The following RAD23B variants were observed in gnomAD, a reference collection of about 807,000 sequenced individuals.
The protein encoded by RAD23B is lysine-specific demethylase RAD23B.
A neutral mutation model predicts 49.1 loss-of-function variants in RAD23B; 5 were observed. The observed-to-expected ratio is 0.10, with a 90% CI of 0.05 to 0.21. RAD23B has a LOEUF of 0.21. RAD23B is among the 10% of genes least tolerant of loss of function. The probability of loss-of-function intolerance (pLI) is 1.00; values close to 1 mark genes in which losing one functional copy is unlikely to be tolerated. For synonymous variants in RAD23B, 184 were observed against 165.4 expected, an observed-to-expected ratio of 1.11 and a Z score of -0.86; for missense variants, 356 against 486.7, an observed-to-expected ratio of 0.73 and a Z score of 2.53.
chr9:107,286,904 C>T (rs900421134), intron 1 of RAD23B, among the ~76,000 whole-genome samples: 20 of 151,768 alleles, frequency 1.3e-4, no homozygotes, highest in African/African-American at 4.9e-4. Flanking sequence ...AACCCCGTCT[C>T]TACTAAAAAA....
intron 1 of RAD23B, chr9:107,284,793 G>T (rs772181852): frequency 7.8e-5 from 93 of 1,192,632 alleles, no homozygotes; most frequent in Non-Finnish European, 9.4e-5. Context: ...GTGTTAAGTA[G>T]ACCTGAGTTC....
chr9:107,312,858 T>C (rs989385920), intron 5 of RAD23B, among the ~76,000 whole-genome samples: 2 of 151,976 alleles, frequency 1.3e-5, no homozygotes, highest in African/African-American at 4.8e-5. Flanking sequence ...GCTCTGGCTG[T>C]GGTCACTGCT....
At chr9:107,321,804 A>T (rs545186526) in intron 6 of RAD23B, among the ~76,000 whole-genome samples, 179 bp from the exon 7 acceptor site, 13 of 152,330 alleles carry the variant, frequency 8.5e-5, no homozygotes, top group Non-Finnish European at 1.5e-4. Flanking sequence ...CACCCAGGTC[A>T]TTTCTAATCT....
At chr9:107,288,384 C>T (rs1833317933) in intron 1 of RAD23B, among the ~76,000 whole-genome samples, 2 of 152,162 alleles carry the variant, frequency 1.3e-5, no homozygotes, top group Admixed American at 6.5e-5. Flanking sequence ...AAGTGCTATG[C>T]AGAAAGTTGA....
chr9:107,298,634 T>A (rs771114193), intron 1 of RAD23B, among the ~76,000 whole-genome samples: 4 of 151,648 alleles, frequency 2.6e-5, no homozygotes, highest in Middle Eastern at 3.4e-3. Context: ...CCTGACCCAA[T>A]GTACTTACAT....
chr9:107,330,705 A>G lies in RAD23B; in HGVS notation c.*1049A>G, dbSNP rs1303184561. 1.3e-5 allele frequency: 2 copies of G among 152,798 alleles called. No individual in the cohort carries two copies. The highest frequency in any genetic ancestry group is 1.9e-4 in the East Asian group (1 of 5,192). The allele number at this position is 152,798 out of a possible 1,614,324, so 9.5% of individuals were successfully genotyped here. On this transcript the variant is annotated 3_prime_UTR_variant, in exon 10 of 10. Transcript: ENST00000358015. The surrounding 1 kb of genome is among the most constrained non-coding windows in gnomAD (Gnocchi z 4.4). Reference sequence around the variant, plus strand: ...CTTTATTAGATAAGAGTGTATTACCATTAAAGTCATTAGTATAATATTGCT... The same window carrying G: ...CTTTATTAGATAAGAGTGTATTACCGTTAAAGTCATTAGTATAATATTGCT...
intron 6 of RAD23B, among the ~76,000 whole-genome samples, chr9:107,321,192 C>T (rs1286571348): frequency 6.6e-6 from 1 of 151,848 alleles, no homozygotes; most frequent in Non-Finnish European, 1.5e-5. Context: ...TCTTTTATAT[C>T]GATTTTATGA....
rs1012247613 is a variant in RAD23B at position 107,283,377 on chromosome 9, G to A, written c.-253G>A. On this transcript the variant is annotated 5_prime_UTR_variant, in exon 1 of 10. Coordinates refer to ENST00000358015, the MANE Select transcript of RAD23B (RefSeq NM_002874.5). ...GCCTTCTGCAGACTCCGTGGCTGGC[G>A]CTCGGCGCGTGAGGAAGCACGGCGG... The A allele has an allele frequency of 3.0e-5, 13 of 427,268 alleles. No individual in the cohort carries two copies. The highest frequency in any genetic ancestry group is 8.8e-5 in the Admixed American group (2 of 22,800). The allele number at this position is 427,268 out of a possible 1,614,324, so 26.5% of individuals were successfully genotyped here.
At chr9:107,317,061 A>G (rs986473211) in intron 5 of RAD23B, among the ~76,000 whole-genome samples, 1 of 151,130 alleles carries the variant, frequency 6.6e-6, no homozygotes, top group African/African-American at 2.4e-5. Context: ...GCTGGGAGCC[A>G]GAAATAAAAT....
intron 3 of RAD23B, among the ~76,000 whole-genome samples, chr9:107,305,103 A>C (rs1257125017): frequency 3.3e-5 from 5 of 151,850 alleles, no homozygotes; most frequent in Non-Finnish European, 7.4e-5. Flanking sequence ...TGTCTGGGTA[A>C]CATGGCGAAA....
intron 1 of RAD23B, chr9:107,284,645 G>T: frequency 1.1e-6 from 1 of 915,862 alleles, no homozygotes; most frequent in Non-Finnish European, 1.4e-6. Context: ...TAAAAACGCT[G>T]TGAGTGTAAA....
intron 1 of RAD23B, among the ~76,000 whole-genome samples, chr9:107,293,102 G>A (rs7035341): frequency 0.97 from 147,020 of 152,300 alleles, 70,962 homozygotes; most frequent in Middle Eastern, 0.98. Flanking sequence ...ATGGCTAACA[G>A]CTTGGTGATG....
chr9:107,303,854 T>A (rs1276048534), intron 3 of RAD23B, among the ~76,000 whole-genome samples: 1 of 152,188 alleles, frequency 6.6e-6, no homozygotes, highest in African/African-American at 2.4e-5. Context: ...ATTACAGTGA[T>A]CCTGACTGTT....
At chr9:107,307,865 T>G (rs1826810203) in intron 4 of RAD23B, among the ~76,000 whole-genome samples, 1 of 152,182 alleles carries the variant, frequency 6.6e-6, no homozygotes, top group Non-Finnish European at 1.5e-5. Flanking sequence ...CTTTAAGCAT[T>G]CTATGACACC....
chr9:107,322,993 C>G (rs1376062819), intron 7 of RAD23B, among the ~76,000 whole-genome samples: 1 of 152,106 alleles, frequency 6.6e-6, no homozygotes, highest in Non-Finnish European at 1.5e-5. Context: ...TATGGAAGAA[C>G]AAAAAACCCA....
chr9:107,323,735 G>C (rs1827150509), intron 7 of RAD23B, among the ~76,000 whole-genome samples, 155 bp from the exon 8 acceptor site: 1 of 152,196 alleles, frequency 6.6e-6, no homozygotes, highest in Non-Finnish European at 1.5e-5. Flanking sequence ...AGTTGGTACA[G>C]TTGGAAGATT....
Position 107,331,392 on chromosome 9 carries a change from A to C in RAD23B, c.*1736A>C. ...GTGGCGCACGCCTGTGGTCCCAGCTACTTGGGAGGCTGAGGCATGAGAATT... is the reference window on the plus strand; with the variant it reads ...GTGGCGCACGCCTGTGGTCCCAGCTCCTTGGGAGGCTGAGGCATGAGAATT... On this transcript the variant is annotated 3_prime_UTR_variant, in exon 10 of 10. Coordinates refer to ENST00000358015, the MANE Select transcript of RAD23B (RefSeq NM_002874.5). 3.1e-6 allele frequency: 1 copy of C among 319,708 alleles called. No individual in the cohort carries two copies. Among genetic ancestry groups the C allele is most frequent in the Non-Finnish European group, 5.7e-6 (1 of 175,098 alleles). The allele number at this position is 319,708 out of a possible 1,614,324, so 19.8% of individuals were successfully genotyped here.
At chr9:107,322,568 A>G (rs1199074865) in intron 7 of RAD23B, among the ~76,000 whole-genome samples, 2 of 152,238 alleles carry the variant, frequency 1.3e-5, no homozygotes, top group Non-Finnish European at 2.9e-5. Flanking sequence ...GAGAAAGCAA[A>G]GCTTGAATTG....
chr9:107,293,953 TAAA>T (rs1202060785), intron 1 of RAD23B, among the ~76,000 whole-genome samples: 1 of 152,118 alleles, frequency 6.6e-6, no homozygotes, highest in South Asian at 2.1e-4. Context: ...CCCGTCTAAT[TAAA>T]AAAATTTTTT....
Sources: allele counts gnomAD v4.1 joint callset (sites outside exome capture counted in the v4.1 genomes callset), GRCh38; gene constraint gnomAD v4.1.1; non-coding constraint Gnocchi (gnomAD v3.1); transcripts MANE v1.5; gene names NCBI Gene and HGNC (gene_info 2026-07-23, HGNC 2026-07-21).